The following ALK variants were observed in gnomAD, a reference collection of about 807,000 sequenced individuals.
ALK encodes the protein ALK receptor tyrosine kinase, also known as ALK tyrosine kinase receptor.
In ALK, 74 loss-of-function variants were observed where a neutral mutation model predicts 163.1. The observed-to-expected ratio is 0.45, with a 90% CI of 0.38 to 0.55. The LOEUF (loss-of-function observed/expected upper bound fraction) is 0.55. Among genes scored for constraint, ALK ranks in the 20% least tolerant of loss-of-function variants. The pLI is 0.00. For synonymous variants in ALK, 960 were observed against 843.2 expected, an observed-to-expected ratio of 1.14 and a Z score of -2.40; for missense variants, 2,063 against 2,105.3, an observed-to-expected ratio of 0.98 and a Z score of 0.39.
intron 4 of ALK, among the ~76,000 whole-genome samples, chr2:29,400,948 C>T (rs1669429807): frequency 6.6e-6 from 1 of 151,656 alleles, no homozygotes; most frequent in Non-Finnish European, 1.5e-5. Flanking sequence ...GCACTCCAGC[C>T]TGGGCAAACA....
intron 5 of ALK, among the ~76,000 whole-genome samples, chr2:29,365,177 A>G (rs1236898259): frequency 6.6e-6 from 1 of 152,254 alleles, no homozygotes; most frequent in Non-Finnish European, 1.5e-5. Flanking sequence ...CTGAAGCAAG[A>G]GTTGCTAGAC....
intron 1 of ALK, among the ~76,000 whole-genome samples, chr2:29,737,843 G>A (rs1271000000): frequency 6.6e-6 from 1 of 152,058 alleles, no homozygotes; most frequent in East Asian, 1.9e-4. Context: ...TAACACATGT[G>A]CCTGCATGGA....
chr2:29,222,211 T>C, intron 22 of ALK, 133 bp downstream of exon 22: 1 of 803,004 alleles, frequency 1.2e-6, no homozygotes, highest in South Asian at 1.5e-5. Context: ...TGTTTGGGAG[T>C]CTCCTACTGG....
At chr2:29,268,573 T>TA (rs1307550734) in intron 11 of ALK, among the ~76,000 whole-genome samples, 4 of 152,198 alleles carry the variant, frequency 2.6e-5, no homozygotes, top group Non-Finnish European at 4.4e-5. Flanking sequence ...TAAATTGAAC[T>TA]ATATGAGTTG....
chr2:29,714,350 A>G (rs144689690), intron 2 of ALK, among the ~76,000 whole-genome samples: 129 of 152,296 alleles, frequency 8.5e-4, no homozygotes, highest in African/African-American at 2.9e-3. Context: ...TTAGGCCCCA[A>G]TGCAAATTAG....
chr2:29,369,597 C>G (rs1168661476), intron 5 of ALK, among the ~76,000 whole-genome samples: 1 of 152,106 alleles, frequency 6.6e-6, no homozygotes, highest in African/African-American at 2.4e-5. Context: ...GAGCTGGACA[C>G]ATGGATCAGA....
At chr2:29,732,483 T>C (rs1679772443) in intron 1 of ALK, among the ~76,000 whole-genome samples, 1 of 152,182 alleles carries the variant, frequency 6.6e-6, no homozygotes, top group African/African-American at 2.4e-5. Flanking sequence ...CTGAGGTAAA[T>C]AGCAATTATA....
intron 11 of ALK, among the ~76,000 whole-genome samples, chr2:29,270,896 G>T (rs907143618): frequency 1.3e-5 from 2 of 152,176 alleles, no homozygotes; most frequent in Admixed American, 1.3e-4. Flanking sequence ...CACCTTCAAG[G>T]CTGGGATGCA....
At chr2:29,602,117 G>T (rs573695656) in intron 3 of ALK, among the ~76,000 whole-genome samples, 33 of 152,178 alleles carry the variant, frequency 2.2e-4, no homozygotes, top group Non-Finnish European at 3.7e-4. Context: ...AACTCGATAT[G>T]AATCATATAT....
intron 3 of ALK, among the ~76,000 whole-genome samples, chr2:29,609,084 T>C (rs141331798): frequency 3.0e-3 from 459 of 152,176 alleles, no homozygotes; most frequent in African/African-American, 9.8e-3. Context: ...CCACCATGCC[T>C]GGCTAAGTTT....
chr2:29,780,694 C>T (rs1254726557), intron 1 of ALK, among the ~76,000 whole-genome samples: 1 of 152,178 alleles, frequency 6.6e-6, no homozygotes, highest in Non-Finnish European at 1.5e-5. Context: ...TTAGCACAAC[C>T]CATGGCGTTT....
In ALK at chr2:29,766,404, A is replaced by G. The variant is rs111963344; in HGVS notation, c.668-48707T>C. ...TCCTTTCTCTCCCCCAGCCACCATGAATCACCCCATGTTCTCAATACAAAC... is the reference window on the plus strand; with the variant it reads ...TCCTTTCTCTCCCCCAGCCACCATGGATCACCCCATGTTCTCAATACAAAC... On this transcript the variant is annotated intron_variant, in intron 1 of 28. Transcript: ENST00000389048. 7.6e-3 allele frequency among the ~76,000 whole-genome samples: 1,157 copies of G among 152,226 alleles called. 15 individuals carry two copies. The highest frequency in any genetic ancestry group is 0.026 in the African/African-American group (1,098 of 41,528).
At chr2:29,485,921 A>G (rs2148121522) in intron 4 of ALK, among the ~76,000 whole-genome samples, 1 of 152,278 alleles carries the variant, frequency 6.6e-6, no homozygotes, top group African/African-American at 2.4e-5. Context: ...CCTGGCTGCA[A>G]GCACTGATTC....
At chr2:29,383,375 G>A (rs980886563) in intron 5 of ALK, among the ~76,000 whole-genome samples, 7 of 151,584 alleles carry the variant, frequency 4.6e-5, no homozygotes, top group Middle Eastern at 3.4e-3. Flanking sequence ...GGAGTGCAAC[G>A]GCACAATCTT....
At chr2:29,382,522 T>C (rs1668925354) in intron 5 of ALK, among the ~76,000 whole-genome samples, 1 of 152,194 alleles carries the variant, frequency 6.6e-6, no homozygotes, top group Non-Finnish European at 1.5e-5. Context: ...TTCCTAATGA[T>C]GATCAAATGA....
intron 4 of ALK, among the ~76,000 whole-genome samples, chr2:29,399,463 G>A (rs150827340): frequency 3.5e-4 from 54 of 152,340 alleles, no homozygotes; most frequent in African/African-American, 1.1e-3. Context: ...CAAAAGGCAC[G>A]AGGGTGCCCG....
chr2:29,385,063 T>G (rs905008427), intron 4 of ALK, among the ~76,000 whole-genome samples: 2 of 151,744 alleles, frequency 1.3e-5, no homozygotes, highest in African/African-American at 4.8e-5. Flanking sequence ...AAGTGTATGA[T>G]TTGATGGTGG....
At chr2:29,723,302 A>G (rs960874370) in intron 1 of ALK, among the ~76,000 whole-genome samples, 1 of 152,116 alleles carries the variant, frequency 6.6e-6, no homozygotes, top group East Asian at 1.9e-4. Context: ...CAGCCGAGGA[A>G]GCTCCTCCTA....
At chr2:29,299,293 A>C (rs774989851) in intron 8 of ALK, among the ~76,000 whole-genome samples, 1 of 152,200 alleles carries the variant, frequency 6.6e-6, no homozygotes, top group Non-Finnish European at 1.5e-5. Context: ...ACTTGGGCTC[A>C]ACAACTGTCG....
Sources: gnomAD v4.1 joint callset for allele counts (sites outside exome capture counted in the v4.1 genomes callset) on GRCh38, gnomAD v4.1.1 for gene constraint, MANE v1.5 for transcripts, NCBI Gene and HGNC (gene_info 2026-07-23, HGNC 2026-07-21) for gene names.